Variants in KCTD14 observed in about 807,000 individuals in gnomAD.
KCTD14 encodes the protein potassium channel tetramerization domain containing 14.
In KCTD14, 7 loss-of-function variants were observed where a neutral mutation model predicts 5.9. That is an observed-to-expected ratio of 1.19 (90% CI 0.68 to 2.23). The LOEUF (loss-of-function observed/expected upper bound fraction) is 2.23. KCTD14 is among the 30% of genes most tolerant of loss of function. The probability of loss-of-function intolerance (pLI) is 0.00; values close to 1 mark genes in which losing one functional copy is unlikely to be tolerated. For synonymous variants in KCTD14, 140 were observed against 133.1 expected (o/e 1.05, Z -0.36); for missense variants, 342 against 332.2 (o/e 1.03, Z -0.23).
chr11:78,041,935 C>T (rs1015008319), intron 1 of KCTD14, among the ~76,000 whole-genome samples: 3 of 152,220 alleles, frequency 2.0e-5, no homozygotes, highest in African/African-American at 7.2e-5. Context: ...TAACACTCAC[C>T]GCATGGCCCA....
At chr11:78,020,104 A>T (rs1857272129) in intron 1 of KCTD14, among the ~76,000 whole-genome samples, 1 of 152,184 alleles carries the variant, frequency 6.6e-6, no homozygotes. Context: ...GTAGGTGCTG[A>T]GAGGGAAGAC....
chr11:78,037,148 G>A (rs1857828916), intron 2 of KCTD14, among the ~76,000 whole-genome samples: 2 of 152,174 alleles, frequency 1.3e-5, no homozygotes, highest in African/African-American at 4.8e-5. Flanking sequence ...GGGCCAATCA[G>A]TAAAACTCAT....
At chr11:78,037,296 C>T (rs1857835497) in intron 2 of KCTD14, among the ~76,000 whole-genome samples, 1 of 152,240 alleles carries the variant, frequency 6.6e-6, no homozygotes, top group African/African-American at 2.4e-5. Flanking sequence ...TCCCTGTTTG[C>T]CCTCAGGCTC....
chr11:78,033,412 T>G (rs896380053), intron 2 of KCTD14, among the ~76,000 whole-genome samples: 4 of 152,166 alleles, frequency 2.6e-5, no homozygotes, highest in South Asian at 2.1e-4. Flanking sequence ...CAGGGCACGG[T>G]GGCTCACGCC....
upstream of KCTD14, chr11:78,023,325 G>C: frequency 2.8e-6 from 4 of 1,452,242 alleles, no homozygotes; most frequent in Non-Finnish European, 3.8e-6. Context: ...AAGGCGGGAC[G>C]GGGCTGAGCC....
chr11:78,021,952 G>T (rs1264009959), intron 1 of KCTD14, among the ~76,000 whole-genome samples: 1 of 152,116 alleles, frequency 6.6e-6, no homozygotes, highest in African/African-American at 2.4e-5. Flanking sequence ...TCACTCACTT[G>T]GCCATCCGCA....
At chr11:78,029,293 C>A (rs1021537603) in intron 2 of KCTD14, among the ~76,000 whole-genome samples, 1 of 151,950 alleles carries the variant, frequency 6.6e-6, no homozygotes, top group Non-Finnish European at 1.5e-5. Context: ...ACTATAGTTA[C>A]ACCTGCTAAG....
chr11:78,017,242 C>T lies in KCTD14; in HGVS notation c.119G>A (p.Gly40Glu), dbSNP rs957456177. The T allele has an allele frequency of 6.2e-7, 1 of 1,604,172 alleles. No individual in the cohort carries two copies. The highest frequency in any genetic ancestry group is 1.3e-5 in the African/African-American group (1 of 74,722). Residue 40 changes from glycine (G) to glutamate (E), a missense_variant, in exon 2 of 2, where the codon GGG (glycine) becomes GAG (glutamate). By Grantham distance (98) the Gly-to-Glu change is moderately conservative. Coordinates refer to ENST00000353172, the MANE Select transcript of KCTD14 (RefSeq NM_023930.4). ...TMSTVVELNV[G>E]GEFHTTTLGT... is the part of the protein sequence containing the mutation. ...CAGGGTGGTGGTGTGGAACTCACCC[C>T]CGACGTTCAGCTCCACAACAGTAGA...
chr11:78,039,578 G>A (rs1857932881), intron 1 of KCTD14, among the ~76,000 whole-genome samples: 1 of 151,694 alleles, frequency 6.6e-6, no homozygotes, highest in African/African-American at 2.4e-5. Context: ...ATGAGCCTGG[G>A]GCAACATGGT....
At chr11:78,042,029 C>T (rs572741977) in intron 1 of KCTD14, among the ~76,000 whole-genome samples, 23 of 152,132 alleles carry the variant, frequency 1.5e-4, no homozygotes, top group African/African-American at 5.3e-4. Flanking sequence ...GGAAGTAGCT[C>T]GCCACCATCT....
chr11:78,045,002 A>AT (rs1254372540), intron 1 of KCTD14, among the ~76,000 whole-genome samples: 3 of 152,040 alleles, frequency 2.0e-5, no homozygotes, highest in Non-Finnish European at 4.4e-5. Flanking sequence ...CATTTCAGGC[A>AT]TTTTTCTCTT....
chr11:78,037,046 T>C (rs1170033588), intron 2 of KCTD14, among the ~76,000 whole-genome samples: 2 of 152,140 alleles, frequency 1.3e-5, no homozygotes, highest in Non-Finnish European at 2.9e-5. Context: ...GAGCCAGGGT[T>C]CAAAACCAGG....
At chr11:78,041,056 G>A (rs867951442) in intron 1 of KCTD14, among the ~76,000 whole-genome samples, 8 of 152,300 alleles carry the variant, frequency 5.3e-5, no homozygotes, top group Middle Eastern at 3.4e-3. Context: ...TGCCTGGTAA[G>A]CCAGGTTGAC....
At chr11:78,043,682 G>A (rs1427228861) in intron 1 of KCTD14, among the ~76,000 whole-genome samples, 1 of 152,180 alleles carries the variant, frequency 6.6e-6, no homozygotes, top group African/African-American at 2.4e-5. Flanking sequence ...AAGACCAAAA[G>A]GTGTTGGTCA....
intron 1 of KCTD14, among the ~76,000 whole-genome samples, chr11:78,040,989 G>A (rs1483593478): frequency 6.6e-6 from 1 of 152,130 alleles, no homozygotes; most frequent in African/African-American, 2.4e-5. Flanking sequence ...TAATTTGAAT[G>A]GAAGGTGATT....
At chr11:78,026,419 G>A (rs1409505182), upstream of KCTD14, among the ~76,000 whole-genome samples, 1 of 151,938 alleles carries the variant, frequency 6.6e-6, no homozygotes, top group Non-Finnish European at 1.5e-5. Context: ...CTCCAGCCTG[G>A]AAGATAGAGT....
At chr11:78,026,913 A>G (rs1857481396), upstream of KCTD14, among the ~76,000 whole-genome samples, 1 of 152,152 alleles carries the variant, frequency 6.6e-6, no homozygotes, top group Non-Finnish European at 1.5e-5. Context: ...AGCCTGGCCA[A>G]CATGGTAAAA....
chr11:78,037,733 C>T (rs536943667), intron 2 of KCTD14, among the ~76,000 whole-genome samples: 2 of 152,046 alleles, frequency 1.3e-5, no homozygotes, highest in Non-Finnish European at 2.9e-5. Flanking sequence ...GCACGACAAT[C>T]GCTTGAACCC....
chr11:78,036,691 C>T (rs528477342), intron 2 of KCTD14, among the ~76,000 whole-genome samples: 2 of 152,328 alleles, frequency 1.3e-5, no homozygotes, highest in South Asian at 2.1e-4. Flanking sequence ...AGGCTGTCAT[C>T]AATGATTCTT....
Sources: gnomAD v4.1 joint callset for allele counts (sites outside exome capture counted in the v4.1 genomes callset) on GRCh38, gnomAD v4.1.1 for gene constraint, MANE v1.5 for transcripts, NCBI Gene and HGNC (gene_info 2026-07-23, HGNC 2026-07-21) for gene names.